Variants in CDH10 observed in about 807,000 individuals in gnomAD.
CDH10 encodes cadherin 10, also known as cadherin-10.
A neutral mutation model predicts 73.1 loss-of-function variants in CDH10; 30 were observed. That is an observed-to-expected ratio of 0.41 (90% confidence interval 0.31 to 0.56). CDH10 has a LOEUF of 0.56. Ranked by LOEUF, CDH10 falls within the 20% of genes least tolerant of loss-of-function variation. The probability of loss-of-function intolerance (pLI) is 0.27; values close to 1 mark genes in which losing one functional copy is unlikely to be tolerated. For missense variants in CDH10, 815 were observed against 973.7 expected, an observed-to-expected ratio of 0.84 and a Z score of 2.17; for synonymous variants, 345 against 348.2, an observed-to-expected ratio of 0.99 and a Z score of 0.10.
chr5:24,520,245 G>T (rs545980435), intron 5 of CDH10, among the ~76,000 whole-genome samples: 1 of 152,252 alleles, frequency 6.6e-6, no homozygotes, highest in South Asian at 2.1e-4. Context: ...CATGAGAACA[G>T]ATGAATAAAT....
chr5:24,581,958 A>G (rs992869861), intron 2 of CDH10, among the ~76,000 whole-genome samples: 1 of 152,256 alleles, frequency 6.6e-6, no homozygotes, highest in Admixed American at 6.5e-5. Flanking sequence ...TCTAAAAATA[A>G]GAAGTTAAGA....
intron 8 of CDH10, among the ~76,000 whole-genome samples, chr5:24,500,988 A>G (rs964206867): frequency 6.6e-6 from 1 of 152,186 alleles, no homozygotes; most frequent in Non-Finnish European, 1.5e-5. Context: ...ACCATTTGCT[A>G]ATACCCAGAG....
Position 24,593,535 on chromosome 5 carries a change from C to G in CDH10, c.-45G>C, listed in dbSNP as rs184896083. 9.4e-7 allele frequency: 1 copy of G among 1,066,724 alleles called. No homozygotes were observed. Among genetic ancestry groups the G allele is most frequent in the Non-Finnish European group, 1.4e-6 (1 of 694,306 alleles). The allele number at this position is 1,066,724 out of a possible 1,614,324, so 66.1% of individuals were successfully genotyped here. ...CCCAGTGTAGATGAAGAGAAGTGGT[C>G]CTATTTTACCCAGTTGGTTTTACTG... is the stretch of plus-strand genomic sequence containing the variant. On this transcript the variant is annotated 5_prime_UTR_variant, in exon 2 of 12. Coordinates refer to ENST00000264463, the MANE Select transcript of CDH10 (RefSeq NM_006727.5).
intron 1 of CDH10, among the ~76,000 whole-genome samples, chr5:24,620,728 G>GT (rs1009766225): frequency 3.5e-4 from 53 of 151,342 alleles, no homozygotes; most frequent in Admixed American, 2.6e-3. Flanking sequence ...GGCAGAACAG[G>GT]TTTTTTTTTC....
chr5:24,509,787 A>C lies in CDH10; in HGVS notation c.1035T>G (p.Thr345=), dbSNP rs143577222. Reference sequence around the variant, plus strand: ...GGGTGTTTTCTGCTTCGACTTTCAGAGTATAAAGTCTTCGGCTCTCATAGT... The same window carrying C: ...GGGTGTTTTCTGCTTCGACTTTCAGCGTATAAAGTCTTCGGCTCTCATAGT... The part of the protein sequence containing the change: ...PLDYESRRLY[T]LKVEAENTHV... The change falls in exon 7 of 12, where the codon ACT becomes ACG. Residue 345 remains threonine (T), a synonymous_variant. Transcript: ENST00000264463. 3.3e-5 allele frequency: 53 copies of C among 1,611,890 alleles called. No individual in the cohort carries two copies. The African/African-American group carries it at 6.7e-4, about 20-fold the overall frequency.
chr5:24,580,169 C>T (rs1561176838), intron 2 of CDH10, among the ~76,000 whole-genome samples: 1 of 152,120 alleles, frequency 6.6e-6, no homozygotes, highest in East Asian at 1.9e-4. Flanking sequence ...ATTTTAAGTT[C>T]AGAGGTACCT....
At chr5:24,542,260 G>C (rs1331886976) in intron 2 of CDH10, among the ~76,000 whole-genome samples, 1 of 152,186 alleles carries the variant, frequency 6.6e-6, no homozygotes, top group African/African-American at 2.4e-5. Flanking sequence ...TTACACGTAA[G>C]TATATGGACA....
At chr5:24,501,014 C>T (rs370018122) in intron 8 of CDH10, among the ~76,000 whole-genome samples, 3 of 152,168 alleles carry the variant, frequency 2.0e-5, no homozygotes, top group African/African-American at 7.2e-5. Context: ...GGGTTCTCTA[C>T]AAATGGACCT....
intron 2 of CDH10, among the ~76,000 whole-genome samples, chr5:24,586,914 T>G (rs1313542699): frequency 3.0e-5 from 4 of 134,684 alleles, no homozygotes; most frequent in East Asian, 2.4e-4. Flanking sequence ...GCGCGATCTC[T>G]GCTCACTGCA....
intron 2 of CDH10, among the ~76,000 whole-genome samples, chr5:24,582,694 C>T (rs1267552211): frequency 6.6e-6 from 1 of 152,126 alleles, no homozygotes; most frequent in African/African-American, 2.4e-5. Context: ...AAAAACACTA[C>T]CATGTCAATA....
Position 24,487,958 on chromosome 5 carries a change from A to G in CDH10, c.2072T>C (p.Ile691Thr), listed in dbSNP as rs973320967. ...IEEKKLRRDI[I>T]PETLFIPRRT... Reference sequence around the variant, plus strand: ...CCGAGGAATAAATAACGTTTCTGGAATAATATCTCGCCGGAGCTTTTTTTC... The same window carrying G: ...CCGAGGAATAAATAACGTTTCTGGAGTAATATCTCGCCGGAGCTTTTTTTC... The change falls in exon 12 of 12, where the codon ATT becomes ACT. Residue 691 changes from isoleucine to threonine, a missense_variant. Ile to Thr is a moderately conservative substitution (Grantham distance 89, BLOSUM62 -1). Transcript: ENST00000264463. The G allele has an allele frequency of 6.2e-7, 1 of 1,613,992 alleles. No individual in the cohort carries two copies.
chr5:24,520,632 A>AT (rs1192643505), intron 5 of CDH10, among the ~76,000 whole-genome samples: 1 of 152,158 alleles, frequency 6.6e-6, no homozygotes, highest in African/African-American at 2.4e-5. Context: ...TTGTAATGTA[A>AT]TTTTTCAGGT....
rs779084194 is a variant in CDH10, at chr5:24,639,229, C to T, written c.-124+5365G>A. The stretch of plus-strand genomic sequence containing the variant: ...CGCTTCAGTAATTATGAAAATATTC[C>T]TTAATTCAGAAGTCCCAGAATTTAC... On this transcript the variant is annotated intron_variant, in intron 1 of 11. Transcript: ENST00000264463. Among the ~76,000 whole-genome samples the T allele has an allele frequency of 1.9e-3, 290 of 151,630 alleles. 5 individuals carry two copies. Among genetic ancestry groups the T allele is most frequent in the Non-Finnish European group, 4.3e-4 (29 of 67,688 alleles).
intron 1 of CDH10, among the ~76,000 whole-genome samples, chr5:24,615,117 T>G (rs1183927785): frequency 6.6e-6 from 1 of 152,176 alleles, no homozygotes; most frequent in African/African-American, 2.4e-5. Flanking sequence ...CGCCTGTTTC[T>G]CCAAACTCCT....
intron 8 of CDH10, among the ~76,000 whole-genome samples, chr5:24,499,674 G>A (rs1459841150): frequency 8.2e-6 from 1 of 122,276 alleles, no homozygotes; most frequent in Admixed American, 9.6e-5. Flanking sequence ...GTGACAGAAT[G>A]AGATTCCATC....
At chr5:24,636,742 A>C (rs1747880428) in intron 1 of CDH10, among the ~76,000 whole-genome samples, 1 of 151,942 alleles carries the variant, frequency 6.6e-6, no homozygotes, top group Admixed American at 6.6e-5. Context: ...CCTGATACAT[A>C]ATTCTCCTGT....
At chr5:24,497,915 A>G (rs141844287) in intron 9 of CDH10, among the ~76,000 whole-genome samples, 3 of 152,336 alleles carry the variant, frequency 2.0e-5, no homozygotes, top group South Asian at 4.1e-4. Flanking sequence ...ATGAAATGCA[A>G]TATGTAAGTC....
At position 24,545,744 on chromosome 5, in the gene CDH10, G is replaced by A. The variant is rs80316728; in HGVS notation, c.232-8070C>T. 3.2e-3 allele frequency among the ~76,000 whole-genome samples: 492 copies of A among 151,928 alleles called. 5 individuals are homozygous for A. Among genetic ancestry groups the A allele is most frequent in the African/African-American group, 4.6e-3 (192 of 41,456 alleles). On this transcript the variant is annotated intron_variant, in intron 2 of 11. Coordinates refer to ENST00000264463, the MANE Select transcript of CDH10 (RefSeq NM_006727.5). Reference sequence around the variant, plus strand: ...CTCATAGGCAGGATTGCTCGAGCCCGTGCATGCAAGGTTACAGTGAGGTAT... The same window carrying A: ...CTCATAGGCAGGATTGCTCGAGCCCATGCATGCAAGGTTACAGTGAGGTAT...
intron 5 of CDH10, among the ~76,000 whole-genome samples, chr5:24,533,407 T>C (rs535418376): frequency 6.7e-4 from 102 of 152,086 alleles, no homozygotes; most frequent in African/African-American, 2.4e-3. Context: ...ATCCTCTAAA[T>C]GTATTGTACT....
Sources: gnomAD v4.1 joint callset for allele counts (sites outside exome capture counted in the v4.1 genomes callset) on GRCh38, gnomAD v4.1.1 for gene constraint, MANE v1.5 for transcripts, NCBI Gene and HGNC (gene_info 2026-07-23, HGNC 2026-07-21) for gene names.